The following ARMH3 variants were observed in gnomAD, a reference collection of about 807,000 sequenced individuals.
ARMH3 encodes the protein armadillo like helical domain containing 3.
Under a neutral mutation model 99.1 loss-of-function variants are expected in ARMH3, and 60 were observed. The observed-to-expected ratio is 0.61, with a 90% CI of 0.49 to 0.75. The LOEUF is 0.75. Among genes scored for constraint, ARMH3 ranks in the 30% least tolerant of loss-of-function variants. The pLI is 0.00. For missense variants in ARMH3, 679 were observed against 843.1 expected (o/e 0.81, Z 2.41); for synonymous variants, 285 against 292.8 (o/e 0.97, Z 0.27).
intron 24 of ARMH3, among the ~76,000 whole-genome samples, chr10:101,872,418 C>T (rs933019431): frequency 1.3e-5 from 2 of 152,136 alleles, no homozygotes; most frequent in Non-Finnish European, 2.9e-5. Flanking sequence ...CTGCTCTAGC[C>T]GGGCACAGTG....
intron 24 of ARMH3, among the ~76,000 whole-genome samples, chr10:101,876,084 T>C (rs1009707340): frequency 1.5e-4 from 22 of 151,562 alleles, no homozygotes; most frequent in African/African-American, 5.3e-4. Flanking sequence ...CCATGTCTAC[T>C]AAAAATACAA....
chr10:101,854,335 T>C (rs1215342074), intron 24 of ARMH3, among the ~76,000 whole-genome samples: 2 of 152,166 alleles, frequency 1.3e-5, no homozygotes, highest in Non-Finnish European at 2.9e-5. Context: ...AACATACAAT[T>C]GATGGAAACA....
chr10:101,924,988 G>A (rs1024876039), intron 23 of ARMH3, among the ~76,000 whole-genome samples: 8 of 152,026 alleles, frequency 5.3e-5, no homozygotes, highest in Non-Finnish European at 7.4e-5. Flanking sequence ...GAGAGACTCC[G>A]TCTCAAAAAA....
chr10:101,990,003 C>T (rs1846705028), intron 19 of ARMH3, among the ~76,000 whole-genome samples: 1 of 152,128 alleles, frequency 6.6e-6, no homozygotes, highest in Non-Finnish European at 1.5e-5. Flanking sequence ...TGTGTCGGCT[C>T]CCTCTTCATG....
chr10:101,947,222 T>G (rs1188808408), intron 22 of ARMH3, among the ~76,000 whole-genome samples: 2 of 151,676 alleles, frequency 1.3e-5, no homozygotes, highest in African/African-American at 2.4e-5. Flanking sequence ...AAAAACAACA[T>G]ACTACAAACA....
intron 23 of ARMH3, among the ~76,000 whole-genome samples, chr10:101,906,505 C>A (rs1842642305): frequency 6.6e-6 from 1 of 152,130 alleles, no homozygotes; most frequent in South Asian, 2.1e-4. Flanking sequence ...ATTATGAGAC[C>A]TTGAAATAAA....
At position 101,993,527 on chromosome 10, in the gene ARMH3, G is replaced by C. The variant is rs771949035; in HGVS notation, c.1275+11C>G. On this transcript the variant is annotated intron_variant, in intron 17 of 25. Coordinates refer to ENST00000370033, the MANE Select transcript of ARMH3 (RefSeq NM_024541.3). ...CTCTAAGAAAAAACAAGAAGCAAAA[G>C]AAACACCTACCATTCTATGTAAGTT... The C allele has an allele frequency of 6.3e-7, 1 of 1,577,144 alleles. No homozygotes were observed. The highest frequency in any genetic ancestry group is 8.6e-7 in the Non-Finnish European group (1 of 1,163,296).
intron 23 of ARMH3, among the ~76,000 whole-genome samples, chr10:101,923,878 C>T (rs1259203133): frequency 6.6e-6 from 1 of 152,116 alleles, no homozygotes; most frequent in African/African-American, 2.4e-5. Flanking sequence ...ATTCCCCCAC[C>T]CACAGATTTC....
chr10:101,992,017 C>T lies in ARMH3; in HGVS notation c.1297G>A (p.Ala433Thr). ...HRMPMRHRKK[A>T]ADKNLPCRPL... ...CGGCAGGGAAGATTCTTGTCTGCTG[C>T]CTTCTTCCTGTGTCTCATAGGCTTC... Residue 433 changes from alanine to threonine, a missense_variant, in exon 18 of 26, where the codon GCA becomes ACA. Physicochemically the swap from Ala to Thr is moderately conservative, Grantham distance 58 (BLOSUM62 0). Transcript: ENST00000370033. The T allele has an allele frequency of 6.2e-7, 1 of 1,614,120 alleles. No homozygotes were observed. The highest frequency in any genetic ancestry group is 8.5e-7 in the Non-Finnish European group (1 of 1,179,988).
At chr10:101,986,548 T>G (rs1846517340) in intron 19 of ARMH3, among the ~76,000 whole-genome samples, 1 of 152,170 alleles carries the variant, frequency 6.6e-6, no homozygotes, top group Admixed American at 6.5e-5. Context: ...GATTCTGGCT[T>G]TGAGTATTAA....
At chr10:101,865,250 A>G (rs546351145) in intron 24 of ARMH3, among the ~76,000 whole-genome samples, 33 of 152,036 alleles carry the variant, frequency 2.2e-4, no homozygotes, top group African/African-American at 7.5e-4. Context: ...AACAAACAAA[A>G]AGAGTAAGAA....
intron 23 of ARMH3, among the ~76,000 whole-genome samples, chr10:101,935,223 G>A (rs1388061100): frequency 7.9e-6 from 1 of 127,306 alleles, no homozygotes; most frequent in Non-Finnish European, 1.7e-5. Flanking sequence ...GCAAAGCAAC[G>A]ACACAACTCT....
At chr10:101,851,895 T>C (rs2135264076) in intron 24 of ARMH3, among the ~76,000 whole-genome samples, 1 of 152,226 alleles carries the variant, frequency 6.6e-6, no homozygotes, top group East Asian at 1.9e-4. Context: ...GCAGGAGGAC[T>C]GGTACCCAGC....
At chr10:101,903,600 G>T (rs943844081) in intron 23 of ARMH3, among the ~76,000 whole-genome samples, 3 of 152,182 alleles carry the variant, frequency 2.0e-5, no homozygotes, top group Non-Finnish European at 4.4e-5. Context: ...GCAAGGAAAG[G>T]TGAGAATGTG....
At chr10:102,007,527 A>G (rs2066526711) in intron 13 of ARMH3, among the ~76,000 whole-genome samples, 3 of 151,646 alleles carry the variant, frequency 2.0e-5, no homozygotes, top group African/African-American at 4.8e-5. Context: ...GTACTATAAA[A>G]AGAGCTATTC....
At chr10:101,915,331 C>G in intron 23 of ARMH3, among the ~76,000 whole-genome samples, 1 of 152,182 alleles carries the variant, frequency 6.6e-6, no homozygotes, top group East Asian at 1.9e-4. Context: ...GAATCAGCAT[C>G]TTGCTAAATG....
intron 23 of ARMH3, among the ~76,000 whole-genome samples, chr10:101,904,008 C>G (rs894609090): frequency 6.6e-6 from 1 of 152,216 alleles, no homozygotes; most frequent in African/African-American, 2.4e-5. Flanking sequence ...TGGATCTCAG[C>G]TGTGCCGTGC....
chr10:101,967,707 A>G (rs1845598964), intron 20 of ARMH3, among the ~76,000 whole-genome samples: 2 of 152,310 alleles, frequency 1.3e-5, no homozygotes, highest in South Asian at 4.1e-4. Context: ...ACGGCACTCC[A>G]GCCTGGGCTA....
chr10:102,017,211 C>T (rs190296921), intron 8 of ARMH3, among the ~76,000 whole-genome samples: 3 of 152,314 alleles, frequency 2.0e-5, no homozygotes, highest in South Asian at 2.1e-4. Context: ...GAATTCTTCA[C>T]GTTCTTGTCA....
Sources: gnomAD v4.1 joint callset for allele counts (sites outside exome capture counted in the v4.1 genomes callset) on GRCh38, gnomAD v4.1.1 for gene constraint, MANE v1.5 for transcripts, NCBI Gene and HGNC (gene_info 2026-07-23, HGNC 2026-07-21) for gene names.